The following CAMTA1 variants were observed in gnomAD, a reference collection of about 807,000 sequenced individuals.
CAMTA1 encodes calmodulin binding transcription activator 1.
Under a neutral mutation model 170.9 loss-of-function variants are expected in CAMTA1, and 27 were observed. The observed-to-expected ratio is 0.16, with a 90% CI of 0.12 to 0.22. The LOEUF is 0.22. Ranked by LOEUF, CAMTA1 falls within the 10% of genes least tolerant of loss-of-function variation. The pLI is 1.00. For synonymous variants in CAMTA1, 833 were observed against 891.5 expected (o/e 0.93, Z 1.17); for missense variants, 1,619 against 2,217.2 (o/e 0.73, Z 5.42).
At position 7,766,495 on chromosome 1, in the gene CAMTA1, C is replaced by T. The variant is rs1558337094; in HGVS notation, c.*4C>T. Reference sequence around the variant, plus strand: ...TGAAAAAGGCCAAGGAACTTGAAGACATACAGCAGCATCCCTTAGCAATGT... The same window carrying T: ...TGAAAAAGGCCAAGGAACTTGAAGATATACAGCAGCATCCCTTAGCAATGT... On this transcript the variant is annotated 3_prime_UTR_variant, in exon 23 of 23. Coordinates refer to ENST00000303635, the MANE Select transcript of CAMTA1 (RefSeq NM_015215.4). 6 of 1,613,632 alleles carry T rather than the reference C, an allele frequency of 3.7e-6. No homozygotes were observed. The South Asian group carries it at 6.6e-5, about 18-fold the overall frequency.
chr1:7,655,919 G>A (rs559618640), intron 7 of CAMTA1, among the ~76,000 whole-genome samples: 8 of 152,182 alleles, frequency 5.3e-5, no homozygotes, highest in Non-Finnish European at 1.0e-4. Context: ...GTTTTCCTCC[G>A]AAACTCATGT....
intron 4 of CAMTA1, among the ~76,000 whole-genome samples, chr1:7,151,381 C>T (rs771455734): frequency 1.4e-4 from 21 of 152,338 alleles, no homozygotes; most frequent in Non-Finnish European, 1.8e-4. Flanking sequence ...CTCTTTGCAG[C>T]GGGCAACCCT....
intron 5 of CAMTA1, among the ~76,000 whole-genome samples, chr1:7,410,529 A>G (rs1385577699): frequency 6.6e-6 from 1 of 152,268 alleles, no homozygotes; most frequent in Non-Finnish European, 1.5e-5. Flanking sequence ...TTTGATAACC[A>G]TAGAAACAAT....
intron 5 of CAMTA1, among the ~76,000 whole-genome samples, chr1:7,403,749 C>G (rs1318631072): frequency 6.6e-6 from 1 of 152,186 alleles, no homozygotes; most frequent in Non-Finnish European, 1.5e-5. Context: ...GTTGATCTGG[C>G]ATGGGAAGAA....
At chr1:7,054,867 G>A (rs1424563144) in intron 3 of CAMTA1, among the ~76,000 whole-genome samples, 1 of 152,182 alleles carries the variant, frequency 6.6e-6, no homozygotes, top group African/African-American at 2.4e-5. Flanking sequence ...AGTTTGGCAG[G>A]CTGGACAGGA....
chr1:7,386,970 T>C (rs1002065168), intron 5 of CAMTA1, among the ~76,000 whole-genome samples: 4 of 152,030 alleles, frequency 2.6e-5, no homozygotes, highest in Non-Finnish European at 5.9e-5. Flanking sequence ...ACATCTCCGG[T>C]CCCTCTTATG....
intron 4 of CAMTA1, among the ~76,000 whole-genome samples, chr1:7,227,024 G>A (rs971457660): frequency 2.0e-5 from 3 of 151,782 alleles, no homozygotes; most frequent in Non-Finnish European, 4.4e-5. Flanking sequence ...TAGTAGAGAC[G>A]GGGTTTCACT....
At chr1:7,133,930 G>T (rs563275690) in intron 4 of CAMTA1, among the ~76,000 whole-genome samples, 1 of 152,146 alleles carries the variant, frequency 6.6e-6, no homozygotes, top group Non-Finnish European at 1.5e-5. Flanking sequence ...AGATACCGAG[G>T]GTATGTGTGC....
At chr1:7,434,804 A>G (rs2092294033) in intron 5 of CAMTA1, among the ~76,000 whole-genome samples, 1 of 151,080 alleles carries the variant, frequency 6.6e-6, no homozygotes, top group Non-Finnish European at 1.5e-5. Context: ...ACTCTGGGAG[A>G]CCGAGGCAGG....
intron 6 of CAMTA1, among the ~76,000 whole-genome samples, chr1:7,564,875 C>A (rs1239190768): frequency 6.6e-6 from 1 of 151,082 alleles, no homozygotes; most frequent in Non-Finnish European, 1.5e-5. Flanking sequence ...AGACAATGAA[C>A]AAAAACAGTG....
chr1:7,356,479 C>T (rs2085121610), intron 5 of CAMTA1, among the ~76,000 whole-genome samples: 1 of 152,224 alleles, frequency 6.6e-6, no homozygotes, highest in Non-Finnish European at 1.5e-5. Context: ...TCCCCAGAGC[C>T]TCAGAGCCTC....
chr1:6,861,565 C>G (rs193241385), intron 3 of CAMTA1, among the ~76,000 whole-genome samples: 50 of 152,276 alleles, frequency 3.3e-4, no homozygotes, highest in African/African-American at 1.2e-3. Flanking sequence ...CCTCACAAGG[C>G]ACGTGTAACC....
At chr1:7,416,203 C>A (rs1015552950) in intron 5 of CAMTA1, among the ~76,000 whole-genome samples, 1 of 152,152 alleles carries the variant, frequency 6.6e-6, no homozygotes, top group African/African-American at 2.4e-5. Flanking sequence ...TTTTTTCCTT[C>A]ATTTCAACTT....
rs1655447231 is a variant in CAMTA1, at chr1:7,195,970, T to A, written c.303-53521T>A. Among the ~76,000 whole-genome samples, 1 of 151,874 alleles carries A rather than the reference T, an allele frequency of 6.6e-6. No homozygotes were observed. Among genetic ancestry groups the A allele is most frequent in the Non-Finnish European group, 1.5e-5 (1 of 67,988 alleles). Reference sequence around the variant, plus strand: ...AGGTGGAGGTTGCAGTGAGCTGAGATCATCCCACTGCACTCCAGCCTGGGC... The same window carrying A: ...AGGTGGAGGTTGCAGTGAGCTGAGAACATCCCACTGCACTCCAGCCTGGGC... On this transcript the variant is annotated intron_variant, in intron 4 of 22. Coordinates refer to ENST00000303635, the MANE Select transcript of CAMTA1 (RefSeq NM_015215.4). This position sits in a 1 kb window ranked among gnomAD's most constrained non-coding sequence, Gnocchi z 4.1.
intron 11 of CAMTA1, among the ~76,000 whole-genome samples, chr1:7,723,927 C>T (rs767785408): frequency 1.3e-5 from 2 of 152,226 alleles, no homozygotes; most frequent in Non-Finnish European, 2.9e-5. Context: ...TCAAGTAACT[C>T]TCCTGCCTCA....
chr1:6,927,211 T>TCA (rs79663670), intron 3 of CAMTA1, among the ~76,000 whole-genome samples: 12 of 152,008 alleles, frequency 7.9e-5, no homozygotes, highest in Admixed American at 5.2e-4. Context: ...ATTCATTCAT[T>TCA]TATTTTGTAG....
At chr1:7,409,181 G>A (rs1490435018) in intron 5 of CAMTA1, among the ~76,000 whole-genome samples, 2 of 152,212 alleles carry the variant, frequency 1.3e-5, no homozygotes, top group Non-Finnish European at 2.9e-5. Context: ...ACCTACTCAG[G>A]GCATGCAGGC....
rs1450915777 is a variant in CAMTA1, at chr1:7,685,302, G to A, written c.2914+7569G>A. On this transcript the variant is annotated intron_variant, in intron 11 of 22. Transcript: ENST00000303635. This position sits in a 1 kb window ranked among gnomAD's most constrained non-coding sequence, Gnocchi z 5.7. ...GGAAAGATCAGTTCCTGGCTTGGAG[G>A]AGCCACTCACAGGATGCCCTCCTGT... 6.6e-6 allele frequency among the ~76,000 whole-genome samples: 1 copy of A among 152,220 alleles called. No individual in the cohort carries two copies. Among genetic ancestry groups the A allele is most frequent in the Non-Finnish European group, 1.5e-5 (1 of 68,038 alleles).
intron 5 of CAMTA1, among the ~76,000 whole-genome samples, chr1:7,260,854 G>C (rs140888318): frequency 8.2e-4 from 125 of 152,360 alleles, no homozygotes; most frequent in Middle Eastern, 3.4e-3. Context: ...TACAGTTTAT[G>C]ATGGATGCGA....
Sources: gnomAD v4.1 joint callset for allele counts (sites outside exome capture counted in the v4.1 genomes callset) on GRCh38, gnomAD v4.1.1 for gene constraint, Gnocchi (gnomAD v3.1) non-coding constraint, MANE v1.5 for transcripts, NCBI Gene and HGNC (gene_info 2026-07-23, HGNC 2026-07-21) for gene names.